HERC2: variants seen among roughly 807,000 people sequenced by gnomAD.
The protein encoded by HERC2 is E3 ubiquitin-protein ligase HERC2.
Under a neutral mutation model 537.7 loss-of-function variants are expected in HERC2, and 102 were observed. The observed-to-expected ratio is 0.19, with a 90% confidence interval of 0.16 to 0.22. HERC2 has a LOEUF of 0.22. Among genes scored for constraint, HERC2 ranks in the 10% least tolerant of loss-of-function variants. The pLI is 1.00. For missense variants in HERC2, 4,236 were observed against 6,198.2 expected (o/e 0.68, Z 10.63); for synonymous variants, 2,224 against 2,466.2 (o/e 0.90, Z 2.91).
At chr15:28,315,888 A>G (rs955638902) in intron 2 of HERC2, 11 of 475,746 alleles carry the variant, frequency 2.3e-5, no homozygotes, top group African/African-American at 2.1e-4. Context: ...GTCTCAATGG[A>G]TCTAGAACTT....
At chr15:28,132,558 A>G (rs1269213313) in intron 80 of HERC2, 95 bp downstream of exon 80, 4 of 1,209,298 alleles carry the variant, frequency 3.3e-6, no homozygotes, top group Admixed American at 6.0e-5. Context: ...TAGAAGCCAA[A>G]GCATTTTTCA....
intron 65 of HERC2, among the ~76,000 whole-genome samples, chr15:28,173,203 T>A (rs1306277192): frequency 2.0e-5 from 3 of 152,192 alleles, no homozygotes; most frequent in Non-Finnish European, 4.4e-5. Context: ...ATATGATCCA[T>A]CCACTCCTCT....
At chr15:28,320,293 T>C (rs1487292612) in intron 2 of HERC2, 2 of 152,254 alleles carry the variant, frequency 1.3e-5, no homozygotes, top group African/African-American at 4.8e-5. Context: ...TTTGTATTTT[T>C]AGTAGAGACG....
chr15:28,304,863 C>CCCCCACCCCA (rs1048066630), intron 2 of HERC2, among the ~76,000 whole-genome samples: 1 of 117,452 alleles, frequency 8.5e-6, no homozygotes, highest in African/African-American at 3.3e-5. Context: ...CTCCCCCCTC[C>CCCCCACCCCA]CCCCACCCCA....
chr15:28,308,063 ATT>A (rs57732933), intron 2 of HERC2, among the ~76,000 whole-genome samples: 7 of 144,246 alleles, frequency 4.9e-5, no homozygotes, highest in African/African-American at 1.7e-4. Flanking sequence ...GAATTTTAGG[ATT>A]TTTTTTTTTT....
intron 69 of HERC2, among the ~76,000 whole-genome samples, chr15:28,160,605 G>A (rs1210715872): frequency 6.6e-6 from 1 of 152,230 alleles, no homozygotes; most frequent in Non-Finnish European, 1.5e-5. Flanking sequence ...GGGTGGGAGT[G>A]ACCCAATTTT....
At position 28,280,090 on chromosome 15, in the gene HERC2, G is replaced by A. The variant is rs751139031; in HGVS notation, c.520C>T (p.Leu174=). 2 of 1,613,944 alleles carry A rather than the reference G, an allele frequency of 1.2e-6. No homozygotes were observed. The highest frequency in any genetic ancestry group is 1.3e-5 in the African/African-American group (1 of 75,050). ...TACCTTTTTTTGTCCACAGGAGGCA[G>A]AGAAATACCGCTGCTTTTCCACTTA... ...KVKWKSSGIS[L]PPVDKKSSRP... The change falls in exon 5 of 93, where the codon CTG becomes TTG. Residue 174 remains leucine (L), a synonymous_variant. Coordinates refer to ENST00000261609, the MANE Select transcript of HERC2 (RefSeq NM_004667.6).
At chr15:28,269,114 A>G in intron 11 of HERC2, 134 bp downstream of exon 11, 1 of 668,116 alleles carries the variant, frequency 1.5e-6, no homozygotes, top group Admixed American at 3.0e-5. Flanking sequence ...ATCATTAAAC[A>G]TAATATACAA....
At chr15:28,291,095 T>G (rs1232675508) in intron 4 of HERC2, among the ~76,000 whole-genome samples, 1 of 152,168 alleles carries the variant, frequency 6.6e-6, no homozygotes, top group Non-Finnish European at 1.5e-5. Context: ...CAAGGCACAT[T>G]TCAGCACATT....
At chr15:28,146,215 C>T (rs758350864) in intron 71 of HERC2, 22 bp downstream of exon 71, 3 of 1,548,226 alleles carry the variant, frequency 1.9e-6, no homozygotes, top group East Asian at 2.2e-5. Context: ...AGATCATGCC[C>T]TGCTCAACCT....
intron 21 of HERC2, among the ~76,000 whole-genome samples, chr15:28,247,732 A>T (rs1903865090): frequency 1.3e-5 from 2 of 152,084 alleles, no homozygotes; most frequent in South Asian, 4.1e-4. Context: ...CCAGCCTCCT[A>T]CATGGTTCTT....
In HERC2 at chr15:28,152,843, C is replaced by T. The variant is rs368195142; in HGVS notation, c.10747-13G>A. The T allele has an allele frequency of 1.9e-6, 3 of 1,558,540 alleles. No individual in the cohort carries two copies. The highest frequency in any genetic ancestry group is 2.6e-6 in the Non-Finnish European group (3 of 1,150,842). ...GCATATCTGCCACCTGGAGAGGAAG[C>T]AAGGACATGAATGAGGGGGCCAACA... On this transcript the variant is annotated splice_polypyrimidine_tract_variant and intron_variant, in intron 69 of 92. Transcript: ENST00000261609.
intron 90 of HERC2, 32 bp downstream of exon 90, chr15:28,114,580 T>A (rs1371539285): frequency 1.3e-6 from 2 of 1,597,848 alleles, no homozygotes; most frequent in Non-Finnish European, 1.7e-6. Context: ...TTGCTATTTA[T>A]GTCAATGCAA....
rs188976476 is a variant in HERC2, at chr15:28,253,702, C to T, written c.3050+638G>A. Among the ~76,000 whole-genome samples, 499 of 152,368 alleles carry T rather than the reference C, an allele frequency of 3.3e-3. 3 individuals carry two copies. The highest frequency in any genetic ancestry group is 0.011 in the African/African-American group (474 of 41,584). Reference sequence around the variant, plus strand: ...ACAGGCCGGGAACAGTGGCTTACGCCTGAAATCCCAACACTTTCAGAGGCC... The same window carrying T: ...ACAGGCCGGGAACAGTGGCTTACGCTTGAAATCCCAACACTTTCAGAGGCC... On this transcript the variant is annotated intron_variant, in intron 20 of 92. Coordinates refer to ENST00000261609, the MANE Select transcript of HERC2 (RefSeq NM_004667.6).
chr15:28,133,058 C>T (rs532867878), intron 79 of HERC2, among the ~76,000 whole-genome samples: 85 of 151,594 alleles, frequency 5.6e-4, no homozygotes, highest in African/African-American at 2.0e-3. Context: ...AAAGTGACCA[C>T]ACATACTGGG....
intron 2 of HERC2, among the ~76,000 whole-genome samples, chr15:28,306,023 AAAC>A (rs1358122623): frequency 1.3e-5 from 2 of 152,150 alleles, no homozygotes; most frequent in Non-Finnish European, 2.9e-5. Context: ...AAAAGTCAGG[AAAC>A]AACAGGTGCT....
intron 68 of HERC2, among the ~76,000 whole-genome samples, chr15:28,167,057 A>G (rs76377083): frequency 0.037 from 5,666 of 152,330 alleles, 338 homozygotes; most frequent in African/African-American, 0.13. Flanking sequence ...GACAACCACC[A>G]CAGTAATAAT....
At chr15:28,147,765 GCTCACACCTGTAAC>G (rs1170985937) in intron 70 of HERC2, among the ~76,000 whole-genome samples, 1 of 152,136 alleles carries the variant, frequency 6.6e-6, no homozygotes. Flanking sequence ...GGGTACAGTG[GCTCACACCTGTAAC>G]GATCTCAACA....
At chr15:28,269,545 T>C in intron 10 of HERC2, 109 bp from the exon 11 acceptor site, 3 of 857,162 alleles carry the variant, frequency 3.5e-6, no homozygotes, top group Non-Finnish European at 5.4e-6. Context: ...AAAGAGAAAA[T>C]ATGCTGATTC....
Sources: gnomAD v4.1 joint callset for allele counts (sites outside exome capture counted in the v4.1 genomes callset) on GRCh38, gnomAD v4.1.1 for gene constraint, MANE v1.5 for transcripts, NCBI Gene and HGNC (gene_info 2026-07-23, HGNC 2026-07-21) for gene names.